The following TNIK variants were observed in gnomAD, a reference collection of about 807,000 sequenced individuals.
TNIK encodes TRAF2 and NCK-interacting protein kinase.
Under a neutral mutation model 191.3 loss-of-function variants are expected in TNIK, and 49 were observed. The ratio of observed to expected loss-of-function variants is 0.26; its 90% CI spans 0.20 to 0.32. The LOEUF is 0.32. TNIK is among the 10% of genes least tolerant of loss of function. TNIK has a pLI of 1.00. For missense variants in TNIK, 1,155 were observed against 1,702.3 expected, an observed-to-expected ratio of 0.68 and a Z score of 5.66; for synonymous variants, 594 against 600.9, an observed-to-expected ratio of 0.99 and a Z score of 0.17.
At chr3:171,106,350 A>G (rs1324298894) in intron 21 of TNIK, among the ~76,000 whole-genome samples, 1 of 152,210 alleles carries the variant, frequency 6.6e-6, no homozygotes, top group East Asian at 1.9e-4. Flanking sequence ...TTATGAGACT[A>G]GTCTCAGCCA....
intron 1 of TNIK, among the ~76,000 whole-genome samples, chr3:171,394,566 G>A (rs573677639): frequency 2.6e-5 from 4 of 152,272 alleles, no homozygotes. Flanking sequence ...TGCCTGGCAT[G>A]GAGTTGAAGA....
chr3:171,301,557 C>T (rs1207708804), intron 2 of TNIK, among the ~76,000 whole-genome samples: 2 of 152,152 alleles, frequency 1.3e-5, no homozygotes, highest in East Asian at 1.9e-4. Context: ...TCAAGTGATC[C>T]GCCTGCCTCA....
At chr3:171,288,041 C>T (rs1047096902) in intron 2 of TNIK, among the ~76,000 whole-genome samples, 25 of 150,006 alleles carry the variant, frequency 1.7e-4, no homozygotes, top group Non-Finnish European at 2.7e-4. Flanking sequence ...AATTGGAAAC[C>T]ATCATTCTCA....
intron 18 of TNIK, 75 bp from the exon 19 acceptor site, chr3:171,110,952 T>A (rs1421860824): frequency 1.4e-6 from 2 of 1,384,476 alleles, no homozygotes; most frequent in Non-Finnish European, 1.9e-6. Context: ...TCTGATAAGG[T>A]TTAATACCCA....
At chr3:171,229,525 T>C (rs1743355867) in intron 2 of TNIK, among the ~76,000 whole-genome samples, 1 of 152,218 alleles carries the variant, frequency 6.6e-6, no homozygotes, top group Admixed American at 6.5e-5. Context: ...TTAAAAGTTG[T>C]GGTAGAAAAC....
intron 3 of TNIK, 70 bp downstream of exon 3, chr3:171,228,095 A>C: frequency 6.6e-7 from 1 of 1,511,234 alleles, no homozygotes; most frequent in East Asian, 2.3e-5. Context: ...TGGGCCTATC[A>C]GGATGTGAAC....
At position 171,363,277 on chromosome 3, in the gene TNIK, C is replaced by T. The variant is rs141031906; in HGVS notation, c.123+6343G>A. Among the ~76,000 whole-genome samples the T allele has an allele frequency of 7.1e-4, 108 of 152,208 alleles. 1 individual carries two copies. In the East Asian group the frequency reaches 0.016, roughly 23 times the overall value. ...GTGATTTAATAAATGTTCTTCCTCC[C>T]CAGTAAAATGAGACCATAACCACCA... On this transcript the variant is annotated intron_variant, in intron 2 of 32. Transcript: ENST00000436636.
At chr3:171,207,811 C>T (rs79868375) in intron 4 of TNIK, among the ~76,000 whole-genome samples, 3,106 of 152,230 alleles carry the variant, frequency 0.02, 103 homozygotes, top group African/African-American at 0.072. Context: ...AATCTGAGCT[C>T]TCAAAAGTAC....
At chr3:171,108,185 C>T (rs929683431) in intron 19 of TNIK, 23 bp from the exon 20 acceptor site, 16 of 1,507,616 alleles carry the variant, frequency 1.1e-5, no homozygotes, top group Non-Finnish European at 1.4e-5. Context: ...AACAGAGGAC[C>T]AAGAAAGAGA....
At chr3:171,296,242 T>C (rs1752276940) in intron 2 of TNIK, among the ~76,000 whole-genome samples, 1 of 152,134 alleles carries the variant, frequency 6.6e-6, no homozygotes, top group East Asian at 1.9e-4. Context: ...GGGTAGATAT[T>C]AATTTCTATA....
intron 23 of TNIK, 87 bp downstream of exon 23, chr3:171,093,752 A>T (rs1489875331): frequency 1.3e-6 from 2 of 1,524,270 alleles, no homozygotes; most frequent in Admixed American, 2.0e-5. Context: ...CTTAAAATAC[A>T]TGCCATAGGC....
At chr3:171,288,727 G>T (rs1299288824) in intron 2 of TNIK, among the ~76,000 whole-genome samples, 1 of 150,316 alleles carries the variant, frequency 6.7e-6, no homozygotes, top group Non-Finnish European at 1.5e-5. Context: ...AGAATTACTT[G>T]AACGTGGGAG....
At chr3:171,278,675 C>A (rs1264374337) in intron 2 of TNIK, among the ~76,000 whole-genome samples, 1 of 152,120 alleles carries the variant, frequency 6.6e-6, no homozygotes, top group Non-Finnish European at 1.5e-5. Context: ...CAGGAGTATC[C>A]TCCCAAATGA....
At position 171,214,217 on chromosome 3, in the gene TNIK, C is replaced by T. The variant is rs148425600; in HGVS notation, c.181-2976G>A. Among the ~76,000 whole-genome samples, 524 of 151,310 alleles carry T rather than the reference C, an allele frequency of 3.5e-3. 2 individuals are homozygous for T. Among genetic ancestry groups the T allele is most frequent in the South Asian group, 0.015 (70 of 4,730 alleles). On this transcript the variant is annotated intron_variant, in intron 3 of 32. Coordinates refer to ENST00000436636, the MANE Select transcript of TNIK (RefSeq NM_015028.4). ...TATTCAGTGAAATAGGAAGGAAGAC[C>T]GTTACTAGATGAGACAAGAACTCAT...
intron 3 of TNIK, among the ~76,000 whole-genome samples, chr3:171,226,617 A>G (rs892349058): frequency 2.6e-5 from 4 of 152,202 alleles, no homozygotes; most frequent in Non-Finnish European, 4.4e-5. Flanking sequence ...TGAATTAATA[A>G]ACTAATTGGG....
intron 2 of TNIK, among the ~76,000 whole-genome samples, chr3:171,241,235 AG>A (rs1744949385): frequency 6.6e-6 from 1 of 151,958 alleles, no homozygotes; most frequent in Non-Finnish European, 1.5e-5. Flanking sequence ...TCTTCATGTT[AG>A]TCAGGCTGGT....
rs982213269 is a variant in TNIK, at chr3:171,249,468, G to T, written c.124-21247C>A. Among the ~76,000 whole-genome samples the T allele has an allele frequency of 4.6e-5, 7 of 152,306 alleles. No individual in the cohort carries two copies. The East Asian group carries it at 1.4e-3, about 29-fold the overall frequency. ...GAGTGGCCTGCTGCCAACTTAAGGG[G>T]GCTGGAGGGATGGGGCAGTGGTGTG... is the stretch of plus-strand genomic sequence containing the variant. On this transcript the variant is annotated intron_variant, in intron 2 of 32. Coordinates refer to ENST00000436636, the MANE Select transcript of TNIK (RefSeq NM_015028.4).
chr3:171,309,635 C>T (rs958998126), intron 2 of TNIK, among the ~76,000 whole-genome samples: 1 of 152,120 alleles, frequency 6.6e-6, no homozygotes, highest in African/African-American at 2.4e-5. Flanking sequence ...ATATAACTAA[C>T]ATAAACAAAA....
At chr3:171,278,014 C>T (rs1749969478) in intron 2 of TNIK, among the ~76,000 whole-genome samples, 1 of 152,178 alleles carries the variant, frequency 6.6e-6, no homozygotes, top group Non-Finnish European at 1.5e-5. Flanking sequence ...GGTGACAGAA[C>T]AAGTCCCTGT....
Sources: gnomAD v4.1 joint callset for allele counts (sites outside exome capture counted in the v4.1 genomes callset) on GRCh38, gnomAD v4.1.1 for gene constraint, MANE v1.5 for transcripts, NCBI Gene and HGNC (gene_info 2026-07-23, HGNC 2026-07-21) for gene names.